CACNB4: variants seen among roughly 807,000 people sequenced by gnomAD.
CACNB4 encodes calcium voltage-gated channel auxiliary subunit beta 4.
Under a neutral mutation model 71.2 loss-of-function variants are expected in CACNB4, and 32 were observed. The observed-to-expected ratio is 0.45, with a 90% CI of 0.34 to 0.60. The LOEUF is 0.60. CACNB4 is among the 20% of genes least tolerant of loss of function. The pLI is 0.01. For missense variants in CACNB4, 464 were observed against 647.9 expected (o/e 0.72, Z 3.08); for synonymous variants, 231 against 236.9 (o/e 0.97, Z 0.23).
intron 2 of CACNB4, among the ~76,000 whole-genome samples, chr2:152,043,318 T>C (rs1684972526): frequency 6.6e-6 from 1 of 152,222 alleles, no homozygotes; most frequent in Non-Finnish European, 1.5e-5. Flanking sequence ...TCTTGGGGTC[T>C]GCATTGTGAC....
chr2:151,903,947 A>T (rs1486258234), intron 2 of CACNB4, among the ~76,000 whole-genome samples: 1 of 152,170 alleles, frequency 6.6e-6, no homozygotes, highest in African/African-American at 2.4e-5. Context: ...TGGGCTTGGC[A>T]TATAGTAGGT....
At position 152,016,823 on chromosome 2, in the gene CACNB4, TA is replaced by T. The variant is rs375603187; in HGVS notation, c.147+81506del. 1.8e-4 allele frequency among the ~76,000 whole-genome samples: 28 copies of T among 152,362 alleles called. No homozygotes were observed. In the East Asian group the frequency reaches 5.4e-3, roughly 29 times the overall value. The stretch of plus-strand genomic sequence containing the variant: ...CTATACAAAAATATAATATTCATAG[TA>T]ATAATAGCTGCCATTCTGTGTGCTT... On this transcript the variant is annotated intron_variant, in intron 2 of 13. Transcript: ENST00000539935.
At chr2:152,069,077 C>T (rs78334641) in intron 2 of CACNB4, among the ~76,000 whole-genome samples, 2 of 152,284 alleles carry the variant, frequency 1.3e-5, no homozygotes, top group East Asian at 1.9e-4. Flanking sequence ...AGGCTACTCT[C>T]AGTCAATGGG....
chr2:151,991,534 C>T (rs537011346), intron 2 of CACNB4, among the ~76,000 whole-genome samples: 33 of 152,146 alleles, frequency 2.2e-4, no homozygotes, highest in African/African-American at 7.0e-4. Context: ...CATTAGGTGA[C>T]GAATTCTGAA....
chr2:151,955,692 GC>G (rs1357499750), intron 2 of CACNB4, among the ~76,000 whole-genome samples: 2 of 152,010 alleles, frequency 1.3e-5, no homozygotes, highest in African/African-American at 4.8e-5. Flanking sequence ...GCTTGCTTGG[GC>G]CCAGGAGTTT....
chr2:151,875,096 G>A (rs2099845625), intron 5 of CACNB4: 1 of 366,686 alleles, frequency 2.7e-6, no homozygotes, highest in East Asian at 4.0e-5. Flanking sequence ...CAATAGTGGA[G>A]GGAAGGTCAG....
intron 2 of CACNB4, among the ~76,000 whole-genome samples, chr2:152,044,260 G>A (rs9917211): frequency 0.2 from 31,093 of 151,854 alleles, 4,418 homozygotes; most frequent in East Asian, 0.73. Flanking sequence ...TTGCTCTGTC[G>A]CCCAGGTTGG....
At chr2:152,002,860 G>C (rs1336626990) in intron 2 of CACNB4, among the ~76,000 whole-genome samples, 10 of 152,216 alleles carry the variant, frequency 6.6e-5, no homozygotes, top group Non-Finnish European at 1.5e-5. Flanking sequence ...AGAGGTACTA[G>C]TGTTAGCAGG....
chr2:151,849,550 A>G (rs868230255), intron 12 of CACNB4, among the ~76,000 whole-genome samples: 13 of 152,318 alleles, frequency 8.5e-5, no homozygotes, highest in Middle Eastern at 6.8e-3. Flanking sequence ...AGCTGGGACT[A>G]CAGGCACTCA....
At chr2:151,953,604 CAGTT>C (rs2099867474) in intron 2 of CACNB4, among the ~76,000 whole-genome samples, 1 of 152,152 alleles carries the variant, frequency 6.6e-6, no homozygotes, top group African/African-American at 2.4e-5. Flanking sequence ...CAAATCCAAA[CAGTT>C]AGTAAACGGA....
intron 2 of CACNB4, among the ~76,000 whole-genome samples, chr2:152,062,047 A>AATAATAATAATAATAATG (rs1394890302): frequency 6.8e-6 from 1 of 147,464 alleles, no homozygotes; most frequent in Admixed American, 6.7e-5. Flanking sequence ...TAATAATAAT[A>AATAATAATAATAATAATG]ATGATTAGGA....
intron 6 of CACNB4, 133 bp downstream of exon 6, chr2:151,872,284 T>C (rs1489871517): frequency 4.8e-6 from 3 of 624,532 alleles, no homozygotes; most frequent in South Asian, 1.8e-5. Flanking sequence ...AAATGAGAAA[T>C]GAAATATTAA....
At chr2:151,844,945 G>C (rs2099837151) in intron 12 of CACNB4, among the ~76,000 whole-genome samples, 1 of 152,104 alleles carries the variant, frequency 6.6e-6, no homozygotes, top group Non-Finnish European at 1.5e-5. Context: ...TCATTTTCTT[G>C]CTGTTTCTTA....
At chr2:151,912,796 G>T (rs2099856538) in intron 2 of CACNB4, among the ~76,000 whole-genome samples, 1 of 152,122 alleles carries the variant, frequency 6.6e-6, no homozygotes, top group South Asian at 2.1e-4. Context: ...TTATTGTGTG[G>T]GAGTCTAAGC....
chr2:151,843,212 T>G (rs2099836676), intron 12 of CACNB4, among the ~76,000 whole-genome samples: 1 of 152,210 alleles, frequency 6.6e-6, no homozygotes, highest in African/African-American at 2.4e-5. Flanking sequence ...ACAGACAGGA[T>G]ATACCCCAGA....
chr2:152,019,928 A>G (rs1207865685), intron 2 of CACNB4, among the ~76,000 whole-genome samples: 3 of 152,186 alleles, frequency 2.0e-5, no homozygotes, highest in Non-Finnish European at 4.4e-5. Context: ...CCAAAAGAGG[A>G]AGAGGAATCT....
rs79936632 is a variant in CACNB4 at position 152,092,748 on chromosome 2, T to C, written c.147+5582A>G. Among the ~76,000 whole-genome samples, 993 of 152,084 alleles carry C rather than the reference T, an allele frequency of 6.5e-3. 6 individuals carry two copies. Among genetic ancestry groups the C allele is most frequent in the African/African-American group, 0.023 (943 of 41,508 alleles). On this transcript the variant is annotated intron_variant, in intron 2 of 13. Transcript: ENST00000539935. Reference sequence around the variant, plus strand: ...AGTATAATATATAGTAGTCCACCCTTAACCGTGGGGGATACATTCCAAGAC... The same window carrying C: ...AGTATAATATATAGTAGTCCACCCTCAACCGTGGGGGATACATTCCAAGAC...
At chr2:152,021,582 C>T (rs554194637) in intron 2 of CACNB4, among the ~76,000 whole-genome samples, 1 of 152,164 alleles carries the variant, frequency 6.6e-6, no homozygotes, top group African/African-American at 2.4e-5. Flanking sequence ...TTTGAAAATA[C>T]TGTCAAAACT....
At chr2:152,095,829 T>TA (rs1193047465) in intron 2 of CACNB4, among the ~76,000 whole-genome samples, 2 of 152,114 alleles carry the variant, frequency 1.3e-5, no homozygotes, top group African/African-American at 4.8e-5. Flanking sequence ...TTTCTTTGTA[T>TA]TTTTAGTACA....
Sources: gnomAD v4.1 joint callset for allele counts (sites outside exome capture counted in the v4.1 genomes callset) on GRCh38, gnomAD v4.1.1 for gene constraint, MANE v1.5 for transcripts, NCBI Gene and HGNC (gene_info 2026-07-23, HGNC 2026-07-21) for gene names.